Variants in CDYL2 observed in about 807,000 individuals in gnomAD.
The protein encoded by CDYL2 is chromodomain Y-like protein 2.
In CDYL2, 23 loss-of-function variants were observed where a neutral mutation model predicts 49.4. The ratio of observed to expected loss-of-function variants is 0.47; its 90% CI spans 0.34 to 0.66. CDYL2 has a LOEUF of 0.66. CDYL2 is among the 30% of genes least tolerant of loss of function. CDYL2 has a pLI of 0.01. For synonymous variants in CDYL2, 360 were observed against 268.8 expected (o/e 1.34, Z -3.32); for missense variants, 678 against 656.4 (o/e 1.03, Z -0.36).
At chr16:80,670,192 T>C (rs1045361004) in intron 2 of CDYL2, among the ~76,000 whole-genome samples, 3 of 152,090 alleles carry the variant, frequency 2.0e-5, no homozygotes, top group Admixed American at 6.5e-5. Context: ...AGGAGTGATA[T>C]GGTTTGCCTG....
chr16:80,646,839 C>T (rs1908369472), intron 2 of CDYL2, among the ~76,000 whole-genome samples: 1 of 150,866 alleles, frequency 6.6e-6, no homozygotes, highest in Non-Finnish European at 1.5e-5. Context: ...AAACAAGACC[C>T]AATGATCTGC....
intron 2 of CDYL2, among the ~76,000 whole-genome samples, chr16:80,674,669 G>A (rs1909669154): frequency 6.6e-6 from 1 of 152,210 alleles, no homozygotes; most frequent in African/African-American, 2.4e-5. Flanking sequence ...TGTCTCTACA[G>A]ATTCACCTAT....
chr16:80,607,727 G>A (rs891370293), intron 6 of CDYL2, among the ~76,000 whole-genome samples: 5 of 152,148 alleles, frequency 3.3e-5, no homozygotes, highest in Admixed American at 6.5e-5. Flanking sequence ...GTCATCTTCC[G>A]GATGGGTTCA....
intron 1 of CDYL2, among the ~76,000 whole-genome samples, chr16:80,724,694 G>C (rs1905109583): frequency 6.6e-6 from 1 of 152,138 alleles, no homozygotes; most frequent in South Asian, 2.1e-4. Flanking sequence ...ATACAACATA[G>C]ATTTCTTTCT....
intron 2 of CDYL2, among the ~76,000 whole-genome samples, chr16:80,679,072 T>G (rs989468711): frequency 1.6e-5 from 2 of 125,314 alleles, no homozygotes; most frequent in Admixed American, 1.1e-4. Flanking sequence ...TGAGAACACA[T>G]GGACACAGGA....
At chr16:80,669,635 A>G (rs1310744567) in intron 2 of CDYL2, among the ~76,000 whole-genome samples, 4 of 152,172 alleles carry the variant, frequency 2.6e-5, no homozygotes, top group Admixed American at 2.6e-4. Flanking sequence ...GAGGCCAAGC[A>G]GGAGGGTCGG....
At chr16:80,753,650 TA>T (rs1407560074) in intron 1 of CDYL2, among the ~76,000 whole-genome samples, 2 of 152,082 alleles carry the variant, frequency 1.3e-5, no homozygotes, top group African/African-American at 4.8e-5. Context: ...ATCACCTCTC[TA>T]AACACAATAT....
intron 2 of CDYL2, among the ~76,000 whole-genome samples, chr16:80,644,696 TG>T (rs1180463600): frequency 6.6e-6 from 1 of 152,176 alleles, no homozygotes; most frequent in African/African-American, 2.4e-5. Flanking sequence ...GAGAACAGTA[TG>T]GGGGAAACTG....
At chr16:80,669,911 C>T (rs1597161094) in intron 2 of CDYL2, among the ~76,000 whole-genome samples, 2 of 152,294 alleles carry the variant, frequency 1.3e-5, no homozygotes, top group South Asian at 4.1e-4. Flanking sequence ...CCCTGCCCAG[C>T]CAGACACATG....
At chr16:80,689,974 A>G (rs1463212946) in intron 1 of CDYL2, among the ~76,000 whole-genome samples, 2 of 151,998 alleles carry the variant, frequency 1.3e-5, no homozygotes, top group South Asian at 2.1e-4. Flanking sequence ...TACAAAAATT[A>G]GCTGGGCGTG....
chr16:80,777,835 C>G (rs190104033), intron 1 of CDYL2, among the ~76,000 whole-genome samples: 1 of 152,072 alleles, frequency 6.6e-6, no homozygotes, highest in East Asian at 1.9e-4. Context: ...ATCAATTAAT[C>G]TCATGAAACC....
intron 1 of CDYL2, among the ~76,000 whole-genome samples, chr16:80,715,206 G>C (rs1237921160): frequency 6.6e-6 from 1 of 152,156 alleles, no homozygotes; most frequent in African/African-American, 2.4e-5. Context: ...AAGAAATGTT[G>C]TGTCTGGCTC....
chr16:80,748,560 GCTATTCA>G (rs1906019817), intron 1 of CDYL2, among the ~76,000 whole-genome samples: 1 of 133,004 alleles, frequency 7.5e-6, no homozygotes, highest in Non-Finnish European at 1.5e-5. Context: ...GTGATGTAGA[GCTATTCA>G]CTCAACACTC....
chr16:80,803,280 G>C, intron 1 of CDYL2, among the ~76,000 whole-genome samples: 1 of 152,316 alleles, frequency 6.6e-6, no homozygotes, highest in East Asian at 1.9e-4. Context: ...GGGAAGACAT[G>C]AGAGTATCCA....
intron 1 of CDYL2, among the ~76,000 whole-genome samples, chr16:80,726,203 T>C (rs1905157648): frequency 6.6e-6 from 1 of 152,238 alleles, no homozygotes; most frequent in African/African-American, 2.4e-5. Context: ...TTTAAAATTT[T>C]CCACATACAT....
rs1906110668 is a variant in CDYL2, at chr16:80,602,042, A to G, written c.*2346T>C. ...GACCCCACTTCAACCGATGCTGAATATAACTGCGCCCAATCAGAAGTTCAA... is the reference window on the plus strand; with the variant it reads ...GACCCCACTTCAACCGATGCTGAATGTAACTGCGCCCAATCAGAAGTTCAA... On this transcript the variant is annotated 3_prime_UTR_variant, in exon 7 of 7. Coordinates refer to ENST00000570137, the MANE Select transcript of CDYL2 (RefSeq NM_152342.4). 1.3e-5 allele frequency: 2 copies of G among 152,224 alleles called. No homozygotes were observed. Among genetic ancestry groups the G allele is most frequent in the Non-Finnish European group, 2.9e-5 (2 of 68,048 alleles). The allele number at this position is 152,224 out of a possible 1,614,324, so 9.4% of individuals were successfully genotyped here.
Position 80,604,363 on chromosome 16 carries a change from T to TTGGGGGCCCGTGAGC in CDYL2, c.*10_*24dup. 1.2e-6 allele frequency: 2 copies of TTGGGGGCCCGTGAGC among 1,613,486 alleles called. No homozygotes were observed. Among genetic ancestry groups the TTGGGGGCCCGTGAGC allele is most frequent in the Non-Finnish European group, 1.7e-6 (2 of 1,179,800 alleles). ...CCGAAACACAGGGCAGAGCTGGAAG[T>TTGGGGGCCCGTGAGC]TGGGGGCCCGTGAGCTGGGGCCCCT... is the stretch of plus-strand genomic sequence containing the variant. On this transcript the variant is annotated 3_prime_UTR_variant, in exon 7 of 7. Transcript: ENST00000570137.
At chr16:80,688,631 A>G (rs6564781) in intron 1 of CDYL2, among the ~76,000 whole-genome samples, 10,917 of 152,186 alleles carry the variant, frequency 0.072, 521 homozygotes, top group African/African-American at 0.14. Flanking sequence ...AACTCAGGGG[A>G]AAGCTGGCTC....
At chr16:80,620,051 G>T (rs1412344063) in intron 4 of CDYL2, among the ~76,000 whole-genome samples, 1 of 152,196 alleles carries the variant, frequency 6.6e-6, no homozygotes, top group Non-Finnish European at 1.5e-5. Flanking sequence ...TGATTCCTAA[G>T]CAAGATACAG....
Sources: gnomAD v4.1 joint callset for allele counts (sites outside exome capture counted in the v4.1 genomes callset) on GRCh38, gnomAD v4.1.1 for gene constraint, MANE v1.5 for transcripts, NCBI Gene and HGNC (gene_info 2026-07-23, HGNC 2026-07-21) for gene names.